Variants in FANCA observed in about 807,000 individuals in gnomAD.
FANCA encodes the protein Fanconi anemia group A protein.
In FANCA, 236 loss-of-function variants were observed where a neutral mutation model predicts 194.3. The ratio of observed to expected loss-of-function variants is 1.21; its 90% confidence interval spans 1.09 to 1.35. FANCA has a LOEUF of 1.35. Ranked by LOEUF, FANCA falls within the 40% of genes most tolerant of loss-of-function variation. The pLI is 0.00. For synonymous variants in FANCA, 1,014 were observed against 715.8 expected (o/e 1.42, Z -6.65); for missense variants, 2,628 against 1,813.9 (o/e 1.45, Z -8.15).
intron 31 of FANCA, among the ~76,000 whole-genome samples, chr16:89,751,186 C>G (rs1295898438): frequency 6.6e-6 from 1 of 152,070 alleles, no homozygotes; most frequent in African/African-American, 2.4e-5. Flanking sequence ...AGCCACCGTG[C>G]CTGGCCGGCT....
At chr16:89,776,577 C>T (rs190125337) in intron 20 of FANCA, among the ~76,000 whole-genome samples, 2 of 152,126 alleles carry the variant, frequency 1.3e-5, no homozygotes, top group Non-Finnish European at 1.5e-5. Context: ...CCTGTAATCC[C>T]AGCACTTTGG....
intron 3 of FANCA, among the ~76,000 whole-genome samples, chr16:89,811,714 C>T (rs549354637): frequency 7.1e-6 from 1 of 140,408 alleles, no homozygotes; most frequent in South Asian, 2.4e-4. Context: ...ATTTATTTGT[C>T]TTCCAAAATT....
intron 5 of FANCA, among the ~76,000 whole-genome samples, chr16:89,809,048 G>C (rs1455373618): frequency 6.6e-6 from 1 of 152,032 alleles, no homozygotes; most frequent in Non-Finnish European, 1.5e-5. Context: ...TGGGACTACA[G>C]GTGCCTGCCA....
intron 20 of FANCA, among the ~76,000 whole-genome samples, 174 bp downstream of exon 20, chr16:89,778,627 T>TAAAAAAAAA (rs397693835): frequency 3.3e-5 from 1 of 29,914 alleles, no homozygotes. Context: ...AGACTCCAAC[T>TAAAAAAAAA]AAAAAAAAAA....
At chr16:89,808,795 C>G (rs1452485976) in intron 5 of FANCA, among the ~76,000 whole-genome samples, 1 of 152,160 alleles carries the variant, frequency 6.6e-6, no homozygotes, top group Non-Finnish European at 1.5e-5. Context: ...TCACTCAACC[C>G]TCTCCCATTT....
At chr16:89,787,044 A>C (rs1438739366) in intron 14 of FANCA, among the ~76,000 whole-genome samples, 1 of 152,218 alleles carries the variant, frequency 6.6e-6, no homozygotes, top group Non-Finnish European at 1.5e-5. Context: ...TAAAGCATCT[A>C]AGTGACACGC....
At chr16:89,749,629 A>C in intron 32 of FANCA, 101 bp downstream of exon 32, 1 of 1,421,636 alleles carries the variant, frequency 7.0e-7, no homozygotes, top group South Asian at 1.2e-5. Flanking sequence ...CAGACAAGTA[A>C]GTAACGGGAA....
chr16:89,789,728 T>C (rs1423897813), intron 14 of FANCA, among the ~76,000 whole-genome samples: 1 of 152,096 alleles, frequency 6.6e-6, no homozygotes, highest in Non-Finnish European at 1.5e-5. Flanking sequence ...CATGAGCCAC[T>C]GTACCTGGCC....
chr16:89,770,571 G>C lies in FANCA; in HGVS notation c.2215C>G (p.Pro739Ala). The C allele has an allele frequency of 6.2e-7, 1 of 1,609,968 alleles. No individual in the cohort carries two copies. The highest frequency in any genetic ancestry group is 8.5e-7 in the Non-Finnish European group (1 of 1,178,238). Residue 739 changes from proline to alanine, a missense_variant, in exon 24 of 43, where the codon CCG becomes GCG. Transcript: ENST00000389301. ...AGCTGCCCGCGCCTTCACCTCTCCG[G>C]GGGAGCGACACTGGAGGCAGCCATC... The part of the protein sequence containing the change: ...NLMAASSVAP[P>A]ERQGPWAALF...
chr16:89,743,454 T>C (rs564254397), intron 36 of FANCA, among the ~76,000 whole-genome samples: 17 of 152,312 alleles, frequency 1.1e-4, no homozygotes, highest in Admixed American at 3.3e-4. Context: ...TCTGCAATCA[T>C]AGCACTTCAG....
At chr16:89,760,828 G>C (rs949391478) in intron 29 of FANCA, among the ~76,000 whole-genome samples, 1 of 152,106 alleles carries the variant, frequency 6.6e-6, no homozygotes, top group African/African-American at 2.4e-5. Flanking sequence ...ACACGGCCCT[G>C]TCTGTTATCT....
In FANCA at chr16:89,771,725, T is replaced by C. The variant is rs2039332908; in HGVS notation, c.2104A>G (p.Ile702Val). Reference sequence around the variant, plus strand: ...CTCGGCGTGTTGATGCTGAGCTGAATCTTTGATATCTCAACGCTGCTGTCA... The same window carrying C: ...CTCGGCGTGTTGATGCTGAGCTGAACCTTTGATATCTCAACGCTGCTGTCA... ...EDDSSVEISK[I>V]QLSINTPRLE... is the part of the protein sequence containing the mutation. The change falls in exon 23 of 43, where the codon ATT (isoleucine) becomes GTT (valine). Residue 702 changes from isoleucine (I) to valine (V), a missense_variant. By Grantham distance (29) the Ile-to-Val change is conservative. Coordinates refer to ENST00000389301, the MANE Select transcript of FANCA (RefSeq NM_000135.4). 6.2e-7 allele frequency: 1 copy of C among 1,614,156 alleles called. No individual in the cohort carries two copies. The highest frequency in any genetic ancestry group is 2.2e-5 in the East Asian group (1 of 44,882).
At chr16:89,808,420 TC>T (rs2040748097) in intron 5 of FANCA, 53 bp from the exon 6 acceptor site, 1 of 1,564,596 alleles carries the variant, frequency 6.4e-7, no homozygotes. Context: ...CCCCCAGCAT[TC>T]TGAGTCCTTT....
chr16:89,755,082 G>A (rs2038724203), intron 30 of FANCA, among the ~76,000 whole-genome samples: 1 of 152,134 alleles, frequency 6.6e-6, no homozygotes, highest in Non-Finnish European at 1.5e-5. Context: ...ACCCTCACAC[G>A]AGCAGCCATC....
intron 14 of FANCA, among the ~76,000 whole-genome samples, chr16:89,789,393 G>C (rs1363112758): frequency 2.0e-5 from 3 of 151,538 alleles, no homozygotes; most frequent in Non-Finnish European, 2.9e-5. Flanking sequence ...CCTACAAAGA[G>C]GCAACTACTT....
rs1294758980 is a variant in FANCA at position 89,791,203 on chromosome 16, G to T, written c.1359+200C>A. 7 of 676,774 alleles carry T rather than the reference G, an allele frequency of 1.0e-5. 1 individual carries two copies. In the Admixed American group the frequency reaches 1.6e-4, roughly 16 times the overall value. 41.9% of individuals were successfully genotyped at this position (676,774 alleles called of 1,614,324 possible). A position where few individuals can be genotyped will look rare whatever the true frequency, so the allele number is the denominator to read the frequency against. ...ACCCAGGCTCCTCGGAACATGCAGA[G>T]GAAGATCCGCTGAGGCCCCGACAGG... On this transcript the variant is annotated intron_variant, in intron 14 of 42. Coordinates refer to ENST00000389301, the MANE Select transcript of FANCA (RefSeq NM_000135.4).
chr16:89,779,555 C>T lies in FANCA; in HGVS notation c.1715+314G>A, dbSNP rs556073315. Among the ~76,000 whole-genome samples the T allele has an allele frequency of 4.1e-4, 62 of 152,286 alleles. No individual in the cohort carries two copies. In the South Asian group the frequency reaches 6.0e-3, roughly 15 times the overall value. ...CTGCTTCAGCACGGGAGGGGCATCA[C>T]CTGCTTTTACAGAGGAAAAAATGTT... On this transcript the variant is annotated intron_variant, in intron 18 of 42. Transcript: ENST00000389301.
At position 89,758,558 on chromosome 16, in the gene FANCA, TAC is replaced by T. The variant is rs2038838324; in HGVS notation, c.2981+17_2981+18del. 1 of 1,612,208 alleles carries T rather than the reference TAC, an allele frequency of 6.2e-7. No homozygotes were observed. The highest frequency in any genetic ancestry group is 1.3e-5 in the African/African-American group (1 of 74,864). On this transcript the variant is annotated intron_variant, in intron 30 of 42. Coordinates refer to ENST00000389301, the MANE Select transcript of FANCA (RefSeq NM_000135.4). The stretch of plus-strand genomic sequence containing the variant: ...GTCCTGTCCCTCCAGAGAACCCTAA[TAC>T]AGTGTGTGCTGCTAACCTTTGGTGG...
At chr16:89,773,406 C>A (rs1451316345) in intron 21 of FANCA, 22 bp from the exon 22 acceptor site, 1 of 1,512,248 alleles carries the variant, frequency 6.6e-7, no homozygotes, top group South Asian at 1.2e-5. Flanking sequence ...AGGAAGAAAC[C>A]AGATGGAAAG....
Sources: allele counts gnomAD v4.1 joint callset (sites outside exome capture counted in the v4.1 genomes callset), GRCh38; gene constraint gnomAD v4.1.1; transcripts MANE v1.5; gene names NCBI Gene and HGNC (gene_info 2026-07-23, HGNC 2026-07-21).